ANKFN1: variants seen among roughly 807,000 people sequenced by gnomAD.
ANKFN1 encodes ankyrin repeat and fibronectin type-III domain-containing protein 1.
ANKFN1 carries 74 observed loss-of-function variants against 108.7 expected under a neutral mutation model. The ratio of observed to expected loss-of-function variants is 0.68; its 90% CI spans 0.56 to 0.83. The LOEUF is 0.83. ANKFN1 is among the 40% of genes least tolerant of loss of function. The probability of loss-of-function intolerance (pLI) is 0.00; values close to 1 mark genes in which losing one functional copy is unlikely to be tolerated. For synonymous variants in ANKFN1, 547 were observed against 516.2 expected (o/e 1.06, Z -0.81); for missense variants, 1,505 against 1,382.3 (o/e 1.09, Z -1.41).
At chr17:56,214,551 C>A (rs570316844) in intron 2 of ANKFN1, among the ~76,000 whole-genome samples, 2 of 152,300 alleles carry the variant, frequency 1.3e-5, no homozygotes, top group South Asian at 4.1e-4. Context: ...AATGCATATG[C>A]CTCATACATA....
At chr17:56,393,294 T>C (rs776232587) in intron 8 of ANKFN1, among the ~76,000 whole-genome samples, 1 of 152,186 alleles carries the variant, frequency 6.6e-6, no homozygotes, top group Non-Finnish European at 1.5e-5. Context: ...TGTTCTTTCC[T>C]TCCTCCAAAC....
chr17:56,469,814 G>C (rs556638099), intron 15 of ANKFN1, among the ~76,000 whole-genome samples: 76 of 151,452 alleles, frequency 5.0e-4, no homozygotes, highest in South Asian at 8.3e-4. Flanking sequence ...TAAGTTCCAG[G>C]GTACAAGTGC....
rs967986199 is a variant in ANKFN1, at chr17:56,052,844, C to A, written c.288+6519C>A. ...ATGGGGTCTCACGTATGCCAGCCAG[C>A]AGATAAGAAGGCATTGCAGAAGAGA... is the stretch of plus-strand genomic sequence containing the variant. On this transcript the variant is annotated intron_variant, in intron 4 of 12. Transcript: ENST00000635860. 2.0e-5 allele frequency among the ~76,000 whole-genome samples: 3 copies of A among 152,256 alleles called. No individual in the cohort carries two copies. The South Asian group carries it at 6.2e-4, about 32-fold the overall frequency.
chr17:56,389,250 A>G (rs1388546286), intron 8 of ANKFN1, among the ~76,000 whole-genome samples: 2 of 152,240 alleles, frequency 1.3e-5, no homozygotes, highest in Non-Finnish European at 2.9e-5. Flanking sequence ...ATTTATACAT[A>G]CAACAATCTG....
chr17:56,361,212 C>A (rs1241016620), intron 6 of ANKFN1, among the ~76,000 whole-genome samples: 1 of 151,922 alleles, frequency 6.6e-6, no homozygotes, highest in Non-Finnish European at 1.5e-5. Context: ...AGAATATCTT[C>A]TCCTTGTCAG....
At chr17:56,214,939 A>G (rs1228282657) in intron 2 of ANKFN1, among the ~76,000 whole-genome samples, 1 of 152,238 alleles carries the variant, frequency 6.6e-6, no homozygotes, top group Non-Finnish European at 1.5e-5. Context: ...CAATTGCCCC[A>G]AGGCCTCTAG....
At position 56,153,575 on chromosome 17, in the gene ANKFN1, G is replaced by A. The variant is rs556931224; in HGVS notation, c.-71+45G>A. The stretch of plus-strand genomic sequence containing the variant: ...AAATATCGGTAATTGGTGTTTGGAG[G>A]CCATTGTTTTGCATTCAACAGGCAG... On this transcript the variant is annotated intron_variant, in intron 1 of 20. Transcript: ENST00000682825. The A allele has an allele frequency of 2.4e-4, 379 of 1,611,036 alleles. 3 individuals are homozygous for A. The South Asian group carries it at 3.2e-3, about 14-fold the overall frequency.
chr17:56,419,951 A>C (rs1418740556), intron 8 of ANKFN1, among the ~76,000 whole-genome samples: 1 of 152,204 alleles, frequency 6.6e-6, no homozygotes, highest in Non-Finnish European at 1.5e-5. Context: ...AAATAGACAG[A>C]CAATCTTTTA....
chr17:56,254,861 G>A (rs1000041462), intron 3 of ANKFN1, among the ~76,000 whole-genome samples: 3 of 152,182 alleles, frequency 2.0e-5, no homozygotes, highest in Admixed American at 2.0e-4. Context: ...AGGGAGGAAT[G>A]TAATTCTGTA....
chr17:56,324,103 A>C (rs114335432), intron 3 of ANKFN1, among the ~76,000 whole-genome samples: 1 of 152,222 alleles, frequency 6.6e-6, no homozygotes, highest in Non-Finnish European at 1.5e-5. Flanking sequence ...TTCAGAAAGA[A>C]TATAGCATGT....
chr17:56,515,791 T>C lies in ANKFN1; in HGVS notation c.*4522T>C, dbSNP rs1220187921. Among the ~76,000 whole-genome samples, 1 of 152,220 alleles carries C rather than the reference T, an allele frequency of 6.6e-6. No individual in the cohort carries two copies. The highest frequency in any genetic ancestry group is 1.5e-5 in the Non-Finnish European group (1 of 68,034). ...ACTGCATCTGCACACAGTAGTTATA[T>C]TTGTTTTTTCAATTATTTCTTCTAT... On this transcript the variant is annotated 3_prime_UTR_variant, in exon 21 of 21. Coordinates refer to ENST00000682825, the MANE Select transcript of ANKFN1 (RefSeq NM_001370326.1).
intron 4 of ANKFN1, among the ~76,000 whole-genome samples, chr17:56,087,320 T>C (rs1004022899): frequency 2.6e-5 from 4 of 151,320 alleles, no homozygotes; most frequent in African/African-American, 7.3e-5. Flanking sequence ...TCTTCACTCT[T>C]AGAAGGGAAG....
At chr17:56,093,697 A>G (rs540716953) in intron 4 of ANKFN1, among the ~76,000 whole-genome samples, 1 of 151,380 alleles carries the variant, frequency 6.6e-6, no homozygotes, top group South Asian at 2.1e-4. Flanking sequence ...GTCAAGCCCC[A>G]AGGTGAAGTT....
chr17:56,167,514 A>G (rs1210012923), intron 1 of ANKFN1, among the ~76,000 whole-genome samples: 1 of 152,056 alleles, frequency 6.6e-6, no homozygotes, highest in African/African-American at 2.4e-5. Context: ...GAGCCCAATT[A>G]AATCTGGGTT....
intron 4 of ANKFN1, among the ~76,000 whole-genome samples, chr17:56,094,880 C>T (rs1018202234): frequency 1.3e-5 from 2 of 150,626 alleles, no homozygotes; most frequent in Admixed American, 6.6e-5. Flanking sequence ...AGACTGTGCA[C>T]GTAAGCTATT....
intron 3 of ANKFN1, among the ~76,000 whole-genome samples, chr17:56,289,904 T>C (rs76876480): frequency 0.04 from 6,095 of 152,182 alleles, 411 homozygotes; most frequent in African/African-American, 0.14. Flanking sequence ...TTCATATACT[T>C]GGTCTCCTGT....
intron 3 of ANKFN1, among the ~76,000 whole-genome samples, chr17:56,246,025 C>T (rs998863455): frequency 1.3e-5 from 2 of 152,212 alleles, no homozygotes; most frequent in Admixed American, 1.3e-4. Flanking sequence ...TCTTTATAGA[C>T]ACATATATAT....
At chr17:56,375,536 C>A (rs1276678875) in intron 8 of ANKFN1, among the ~76,000 whole-genome samples, 2 of 152,060 alleles carry the variant, frequency 1.3e-5, no homozygotes, top group African/African-American at 4.8e-5. Flanking sequence ...TCAGCAGAGC[C>A]ATTGAATAAG....
chr17:56,456,401 CTTT>C (rs397713657), intron 11 of ANKFN1, among the ~76,000 whole-genome samples: 2 of 115,482 alleles, frequency 1.7e-5, no homozygotes, highest in Non-Finnish European at 3.4e-5. Context: ...CTTTTTTTCT[CTTT>C]TTTTTTTTTT....
Sources: allele counts gnomAD v4.1 joint callset (sites outside exome capture counted in the v4.1 genomes callset), GRCh38; gene constraint gnomAD v4.1.1; transcripts MANE v1.5; gene names NCBI Gene and HGNC (gene_info 2026-07-23, HGNC 2026-07-21).